YARS1: variants seen among roughly 807,000 people sequenced by gnomAD.
The protein encoded by YARS1 is tyrosine--tRNA ligase, cytoplasmic.
Under a neutral mutation model 62.2 loss-of-function variants are expected in YARS1, and 36 were observed. The observed-to-expected ratio is 0.58, with a 90% CI of 0.44 to 0.76. The LOEUF (loss-of-function observed/expected upper bound fraction) is 0.76. Ranked by LOEUF, YARS1 falls within the 30% of genes least tolerant of loss-of-function variation. The pLI, the probability that YARS1 is intolerant of heterozygous loss-of-function variation, is 0.00. For missense variants in YARS1, 524 were observed against 639.8 expected (o/e 0.82, Z 1.95); for synonymous variants, 234 against 244.9 (o/e 0.96, Z 0.42).
chr1:32,799,810 C>CT (rs1011545745), intron 4 of YARS1, among the ~76,000 whole-genome samples: 15 of 150,922 alleles, frequency 9.9e-5, no homozygotes, highest in African/African-American at 2.9e-4. Flanking sequence ...TTCTTTCTTT[C>CT]TTTTTTTTTA....
intron 4 of YARS1, among the ~76,000 whole-genome samples, chr1:32,804,993 C>T (rs1016156609): frequency 1.3e-5 from 2 of 152,242 alleles, no homozygotes; most frequent in South Asian, 2.1e-4. Flanking sequence ...CACCTCGGGA[C>T]GCCGAGGCGG....
At chr1:32,796,371 G>GT (rs71006371) in intron 5 of YARS1, among the ~76,000 whole-genome samples, 25,563 of 146,920 alleles carry the variant, frequency 0.17, 2,521 homozygotes, top group African/African-American at 0.26. Context: ...TTTCTTTTTT[G>GT]TTTTTTTTTT....
chr1:32,806,457 G>A (rs377690540), intron 4 of YARS1, 25 bp downstream of exon 4: 7 of 1,613,258 alleles, frequency 4.3e-6, no homozygotes, highest in African/African-American at 2.7e-5. Flanking sequence ...AAAGGTCATC[G>A]GGCCACTCCA....
At chr1:32,786,605 A>G in intron 7 of YARS1, 158 bp from the exon 8 acceptor site, 1 of 797,158 alleles carries the variant, frequency 1.3e-6, no homozygotes, top group Non-Finnish European at 2.1e-6. Flanking sequence ...GAGTGGCACT[A>G]TTGTATACCC....
chr1:32,780,090 A>G lies in YARS1; in HGVS notation c.1329T>C (p.Ala443=). 1 of 1,614,088 alleles carries G rather than the reference A, an allele frequency of 6.2e-7. No homozygotes were observed. The highest frequency in any genetic ancestry group is 8.5e-7 in the Non-Finnish European group (1 of 1,180,020). The change falls in exon 11 of 13, where the codon GCT becomes GCC. Residue 443 remains alanine (A), a synonymous_variant. Transcript: ENST00000373477. ...CACTCCAAGTCCTCACTCACATAGA[A>G]GCACACAGAAGCATGCCTTGGGACT... ...GVESQGMLLC[A]SIEGINRQVE... is the part of the protein sequence containing the mutation.
Position 32,802,465 on chromosome 1 carries a change from G to A in YARS1, c.510+4017C>T, listed in dbSNP as rs190848360. 3.3e-5 allele frequency among the ~76,000 whole-genome samples: 5 copies of A among 151,964 alleles called. No individual in the cohort carries two copies. The East Asian group carries it at 9.7e-4, about 30-fold the overall frequency. ...TTTACTTTGCCCAGATCCATCGGAG[G>A]AGTCACTATCTATGGCAGCTATAGC... On this transcript the variant is annotated intron_variant, in intron 4 of 12. Transcript: ENST00000373477.
At position 32,797,505 on chromosome 1, in the gene YARS1, C is replaced by G; in HGVS notation, c.591+258G>C. 5.5e-6 allele frequency: 3 copies of G among 546,738 alleles called. No individual in the cohort carries two copies. The South Asian group carries it at 6.4e-5, about 12-fold the overall frequency. 33.9% of individuals were successfully genotyped at this position (546,738 alleles called of 1,614,324 possible). A position where few individuals can be genotyped will look rare whatever the true frequency, so the allele number is the denominator to read the frequency against. On this transcript the variant is annotated intron_variant, in intron 5 of 12. Transcript: ENST00000373477. ...AGGAAAGGAGTAAATCCAACAGGTGCGGGAGCAGCTTCCTGGTTGTCACCA... is the reference window on the plus strand; with the variant it reads ...AGGAAAGGAGTAAATCCAACAGGTGGGGGAGCAGCTTCCTGGTTGTCACCA...
At chr1:32,804,073 A>G (rs2148613415) in intron 4 of YARS1, among the ~76,000 whole-genome samples, 1 of 152,366 alleles carries the variant, frequency 6.6e-6, no homozygotes, top group East Asian at 1.9e-4. Flanking sequence ...TTATAGATTA[A>G]CAGCATCCCA....
intron 4 of YARS1, among the ~76,000 whole-genome samples, chr1:32,799,457 A>G (rs1653705229): frequency 6.6e-6 from 1 of 152,238 alleles, no homozygotes; most frequent in South Asian, 2.1e-4. Flanking sequence ...CTATTGTGAA[A>G]GTCTAAGTGA....
chr1:32,817,124 C>G, intron 1 of YARS1, 64 bp downstream of exon 1: 2 of 1,600,996 alleles, frequency 1.2e-6, no homozygotes, highest in Admixed American at 1.7e-5. Context: ...CGTAATGGGG[C>G]TCAAAATCAC....
At chr1:32,792,888 A>T (rs976175263) in intron 5 of YARS1, among the ~76,000 whole-genome samples, 1 of 150,786 alleles carries the variant, frequency 6.6e-6, no homozygotes, top group African/African-American at 2.4e-5. Context: ...TCAAAAAAAA[A>T]TAAAAATAAA....
chr1:32,792,834 T>C (rs1355726403), intron 5 of YARS1, among the ~76,000 whole-genome samples: 1 of 151,306 alleles, frequency 6.6e-6, no homozygotes, highest in African/African-American at 2.4e-5. Context: ...GAGCTGAGAT[T>C]GCGCCACTGC....
At chr1:32,785,646 G>C (rs778408951) in intron 8 of YARS1, among the ~76,000 whole-genome samples, 1 of 150,994 alleles carries the variant, frequency 6.6e-6, no homozygotes, top group Non-Finnish European at 1.5e-5. Flanking sequence ...ACAATGGCGC[G>C]ATCTCGGTTC....
intron 3 of YARS1, among the ~76,000 whole-genome samples, chr1:32,807,614 C>T (rs1638492578): frequency 1.3e-5 from 2 of 151,836 alleles, no homozygotes; most frequent in African/African-American, 4.8e-5. Flanking sequence ...TGTGCCACCA[C>T]ACCTGGCTAA....
chr1:32,813,603 G>A (rs1638633157), intron 1 of YARS1, among the ~76,000 whole-genome samples: 1 of 151,818 alleles, frequency 6.6e-6, no homozygotes, highest in Non-Finnish European at 1.5e-5. Context: ...TATAGGTGTG[G>A]GCCACCACAC....
chr1:32,786,871 A>T, intron 7 of YARS1, 69 bp downstream of exon 7: 1 of 1,602,884 alleles, frequency 6.2e-7, no homozygotes. Context: ...GTGACAAATC[A>T]CAAGTATGAT....
At chr1:32,805,532 T>C (rs1418526059) in intron 4 of YARS1, among the ~76,000 whole-genome samples, 2 of 152,206 alleles carry the variant, frequency 1.3e-5, no homozygotes, top group Non-Finnish European at 2.9e-5. Context: ...GAGTAGCACT[T>C]TGAATTTCCT....
At chr1:32,807,180 A>C (rs1421420786) in intron 3 of YARS1, among the ~76,000 whole-genome samples, 1 of 152,208 alleles carries the variant, frequency 6.6e-6, no homozygotes, top group African/African-American at 2.4e-5. Flanking sequence ...CATGTCTCCC[A>C]CACCAAGTCT....
Position 32,782,492 on chromosome 1 carries a change from G to C in YARS1, c.954C>G (p.Asn318Lys), listed in dbSNP as rs1056274616. 1 of 1,614,132 alleles carries C rather than the reference G, an allele frequency of 6.2e-7. No individual in the cohort carries two copies. Among genetic ancestry groups the C allele is most frequent in the Admixed American group, 1.7e-5 (1 of 60,008 alleles). Residue 318 changes from asparagine (N) to lysine (K), a missense_variant, in exon 9 of 13, where the codon AAC becomes AAG. By Grantham distance (94) the Asn-to-Lys change is moderately conservative. Transcript: ENST00000373477. ...TTTCCCGGATTGGATCCAGCAACTT[G>C]TTCAGTGCGACTTCAACAGAATTCT... is the stretch of plus-strand genomic sequence containing the variant. ...DLKNSVEVAL[N>K]KLLDPIREKF...
Sources: allele counts gnomAD v4.1 joint callset (sites outside exome capture counted in the v4.1 genomes callset), GRCh38; gene constraint gnomAD v4.1.1; transcripts MANE v1.5; gene names NCBI Gene and HGNC (gene_info 2026-07-23, HGNC 2026-07-21).